The following PCDHA1 variants were observed in gnomAD, a reference collection of about 807,000 sequenced individuals.
PCDHA1 encodes the protein protocadherin alpha-1.
In PCDHA1, 42 loss-of-function variants were observed where a neutral mutation model predicts 61.3. That is an observed-to-expected ratio of 0.69 (90% CI 0.54 to 0.89). PCDHA1 has a LOEUF of 0.89. PCDHA1 is among the 40% of genes least tolerant of loss of function. The pLI is 0.00. For missense variants in PCDHA1, 1,256 were observed against 1,235.3 expected (o/e 1.02, Z -0.25); for synonymous variants, 610 against 553.8 (o/e 1.10, Z -1.43).
chr5:140,829,433 A>C (rs2150167809), intron 1 of PCDHA1: 1 of 1,614,022 alleles, frequency 6.2e-7, no homozygotes, highest in Non-Finnish European at 8.5e-7. Context: ...GGTGGCCGAC[A>C]TGAATGACAA....
At chr5:140,836,499 G>C in intron 1 of PCDHA1, 1 of 1,613,878 alleles carries the variant, frequency 6.2e-7, no homozygotes, top group Non-Finnish European at 8.5e-7. Context: ...CGCCATCTGC[G>C]CGGTGTCCAG....
intron 1 of PCDHA1, chr5:140,876,550 C>T: frequency 6.2e-7 from 1 of 1,614,186 alleles, no homozygotes; most frequent in Non-Finnish European, 8.5e-7. Context: ...GCTCCCTGTG[C>T]AAGAGGATGC....
intron 1 of PCDHA1, chr5:140,876,681 T>C: frequency 2.5e-6 from 4 of 1,614,180 alleles, no homozygotes; most frequent in South Asian, 1.1e-5. Flanking sequence ...CCTACAAGAA[T>C]TACTACTCGT....
chr5:140,851,936 G>C (rs1554145612), intron 1 of PCDHA1: 1 of 965,662 alleles, frequency 1.0e-6, no homozygotes, highest in African/African-American at 1.8e-5. Flanking sequence ...CTGAATTGTA[G>C]TATGTGACTT....
intron 1 of PCDHA1, among the ~76,000 whole-genome samples, chr5:140,959,381 A>G (rs2095484925): frequency 6.6e-6 from 1 of 152,190 alleles, no homozygotes; most frequent in African/African-American, 2.4e-5. Flanking sequence ...CTCAAAAAAA[A>G]AAGTCACAAA....
At position 140,808,495 on chromosome 5, in the gene PCDHA1, G is replaced by C. The variant is rs375134546; in HGVS notation, c.2394+19811G>C. 4.7e-5 allele frequency: 76 copies of C among 1,614,062 alleles called. No homozygotes were observed. Among genetic ancestry groups the C allele is most frequent in the Admixed American group, 2.2e-4 (13 of 60,012 alleles). On this transcript the variant is annotated intron_variant, in intron 1 of 3. Coordinates refer to ENST00000504120, the MANE Select transcript of PCDHA1 (RefSeq NM_018900.4). ...GAGACGGGGGCTCGCCTTCGCTGTG[G>C]GCCACGGCCAGTGTTTCTGTGGAGG...
chr5:140,850,744 ACTCG>A lies in PCDHA1; in HGVS notation c.2394+62062_2394+62065del, dbSNP rs2041800778. ...TCTAGCGCGGTGGGGAGTTGGTCGT[ACTCG>A]CAGCAGAGGAGGCAGAGGGTGTGCT... On this transcript the variant is annotated intron_variant, in intron 1 of 3. Coordinates refer to ENST00000504120, the MANE Select transcript of PCDHA1 (RefSeq NM_018900.4). 1.3e-6 allele frequency: 2 copies of A among 1,597,470 alleles called. 1 individual carries two copies. The highest frequency in any genetic ancestry group is 2.7e-5 in the African/African-American group (2 of 74,012).
chr5:140,882,182 G>A (rs1357141908), intron 1 of PCDHA1: 1 of 1,518,510 alleles, frequency 6.6e-7, no homozygotes, highest in Non-Finnish European at 8.8e-7. Context: ...TCCGCACTAG[G>A]AAGCCATAAA....
rs562257406 is a variant in PCDHA1 at position 140,883,263 on chromosome 5, G to A, written c.2394+94579G>A. 5.0e-6 allele frequency: 8 copies of A among 1,613,870 alleles called. No individual in the cohort carries two copies. The Admixed American group carries it at 6.7e-5, about 13-fold the overall frequency. ...GACAAAGGAAATATTCCAATGGCGG[G>A]TCATTGTACCCTTTTGGTGGAAGTA... On this transcript the variant is annotated intron_variant, in intron 1 of 3. Transcript: ENST00000504120.
chr5:140,967,865 C>G, intron 1 of PCDHA1: 1 of 1,614,164 alleles, frequency 6.2e-7, no homozygotes, highest in Non-Finnish European at 8.5e-7. Flanking sequence ...AGAGGTGGTG[C>G]TCACGGACCT....
At chr5:140,978,873 A>G in intron 1 of PCDHA1, 76 bp from the exon 2 acceptor site, 2 of 1,608,618 alleles carry the variant, frequency 1.2e-6, no homozygotes, top group Non-Finnish European at 1.7e-6. Flanking sequence ...TAAGGGAGTA[A>G]CTAATCAATT....
Position 140,987,904 on chromosome 5 carries a change from G to T in PCDHA1, c.2542+5341G>T, listed in dbSNP as rs115515462. 1.9e-3 allele frequency among the ~76,000 whole-genome samples: 290 copies of T among 151,852 alleles called. 1 individual carries two copies. The highest frequency in any genetic ancestry group is 7.0e-3 in the African/African-American group (288 of 41,412). On this transcript the variant is annotated intron_variant, in intron 3 of 3. Transcript: ENST00000504120. ...GTTTATGTGCCCTAGTTTTATATGG[G>T]GATTTATATTCTTAATTGTCTCAAG...
intron 1 of PCDHA1, chr5:140,869,579 A>T: frequency 8.1e-6 from 13 of 1,614,178 alleles, no homozygotes; most frequent in Non-Finnish European, 1.0e-5. Context: ...GGAGCTTCTG[A>T]TGCTGACATT....
At chr5:140,955,102 C>A (rs2095137498) in intron 1 of PCDHA1, among the ~76,000 whole-genome samples, 1 of 151,988 alleles carries the variant, frequency 6.6e-6, no homozygotes, top group Admixed American at 6.6e-5. Context: ...GGTGTTATTT[C>A]TGAGTTCTCT....
chr5:141,004,423 C>T (rs2098165944), intron 3 of PCDHA1, among the ~76,000 whole-genome samples: 1 of 152,202 alleles, frequency 6.6e-6, no homozygotes, highest in Non-Finnish European at 1.5e-5. Context: ...TCTCTGCCTC[C>T]TGGAGTTTAG....
intron 1 of PCDHA1, chr5:140,835,304 T>C (rs2150233585): frequency 2.5e-6 from 4 of 1,612,734 alleles, no homozygotes; most frequent in Admixed American, 3.3e-5. Flanking sequence ...TGATAGGACA[T>C]ATGGATTTTG....
In PCDHA1 at chr5:140,841,444, C is replaced by T. The variant is rs2150315677; in HGVS notation, c.2394+52760C>T. 15 of 1,612,806 alleles carry T rather than the reference C, an allele frequency of 9.3e-6. 1 individual carries two copies. The highest frequency in any genetic ancestry group is 1.3e-5 in the African/African-American group (1 of 74,834). ...ACTCCGTCCCCGAGGAGGCCAAACACGGCACCTTCGTGGGCCGGATCGCGC... is the reference window on the plus strand; with the variant it reads ...ACTCCGTCCCCGAGGAGGCCAAACATGGCACCTTCGTGGGCCGGATCGCGC... On this transcript the variant is annotated intron_variant, in intron 1 of 3. Transcript: ENST00000504120.
rs2150356626 is a variant in PCDHA1 at position 140,843,293 on chromosome 5, G to A, written c.2394+54609G>A. ...CCTGGTGAAGGATCATGGTGAACCT[G>A]CGCTGACCGCCACGGCCACGGTTCT... is the stretch of plus-strand genomic sequence containing the variant. On this transcript the variant is annotated intron_variant, in intron 1 of 3. Coordinates refer to ENST00000504120, the MANE Select transcript of PCDHA1 (RefSeq NM_018900.4). The A allele has an allele frequency of 3.8e-6, 6 of 1,595,972 alleles. No homozygotes were observed. In the African/African-American group the frequency reaches 4.0e-5, roughly 11 times the overall value.
At chr5:140,870,657 G>T (rs782619046) in intron 1 of PCDHA1, 1 of 1,612,514 alleles carries the variant, frequency 6.2e-7, no homozygotes, top group Non-Finnish European at 8.5e-7. Context: ...AGGTGTACGC[G>T]CTGCAGCCGT....
Sources: gnomAD v4.1 joint callset for allele counts (sites outside exome capture counted in the v4.1 genomes callset) on GRCh38, gnomAD v4.1.1 for gene constraint, MANE v1.5 for transcripts, NCBI Gene and HGNC (gene_info 2026-07-23, HGNC 2026-07-21) for gene names.